VWA2: variants seen among roughly 807,000 people sequenced by gnomAD.
VWA2 encodes von Willebrand factor A domain containing 2, also known as von Willebrand factor A domain-containing protein 2.
Under a neutral mutation model 70.4 loss-of-function variants are expected in VWA2, and 73 were observed. That is an observed-to-expected ratio of 1.04 (90% CI 0.86 to 1.26). The LOEUF (loss-of-function observed/expected upper bound fraction) is 1.26, where lower values mean the gene tolerates loss of function less well. Among genes scored for constraint, VWA2 ranks in the 50% most tolerant of loss-of-function variants. VWA2 has a pLI of 0.00. For synonymous variants in VWA2, 407 were observed against 423.3 expected, an observed-to-expected ratio of 0.96 and a Z score of 0.47; for missense variants, 1,011 against 998.5, an observed-to-expected ratio of 1.01 and a Z score of -0.17.
rs572552244 is a variant in VWA2, at chr10:114,293,900, T to C, written c.*2663T>C. The stretch of plus-strand genomic sequence containing the variant: ...ATAATGTTTCATGAAGTAGCATGTA[T>C]CCATATCTGGTTCTTGACTTTTTCA... On this transcript the variant is annotated 3_prime_UTR_variant, in exon 14 of 14. Transcript: ENST00000392982. 9.8e-5 allele frequency among the ~76,000 whole-genome samples: 15 copies of C among 152,366 alleles called. No individual in the cohort carries two copies. In the East Asian group the frequency reaches 2.9e-3, roughly 29 times the overall value.
intron 5 of VWA2, among the ~76,000 whole-genome samples, chr10:114,261,949 G>A (rs545888840): frequency 3.3e-5 from 5 of 152,168 alleles, no homozygotes; most frequent in East Asian, 1.9e-4. Context: ...AGGCAAAGGT[G>A]GGGGGGCAGG....
rs2037077059 is a variant in VWA2, at chr10:114,246,542, A to G, written c.-10-2162A>G. 3 of 847,714 alleles carry G rather than the reference A, an allele frequency of 3.5e-6. No individual in the cohort carries two copies. In the East Asian group the frequency reaches 7.5e-5, roughly 21 times the overall value. The allele number at this position is 847,714 out of a possible 1,614,324, so 52.5% of individuals were successfully genotyped here. A position where few individuals can be genotyped will look rare whatever the true frequency, so the allele number is the denominator to read the frequency against. ...AAAAAAAAACGAGTATCATGGGTTG[A>G]ATTCACATTCCCTGACTGTAACAGA... On this transcript the variant is annotated intron_variant, in intron 1 of 13. Coordinates refer to ENST00000392982, the MANE Select transcript of VWA2 (RefSeq NM_001272046.2).
intron 5 of VWA2, among the ~76,000 whole-genome samples, chr10:114,269,575 T>C (rs1315268897): frequency 6.6e-6 from 1 of 152,062 alleles, no homozygotes; most frequent in Non-Finnish European, 1.5e-5. Flanking sequence ...AGTGAGACTC[T>C]GTCTCAAAAA....
At chr10:114,255,736 G>A (rs911668171) in intron 4 of VWA2, among the ~76,000 whole-genome samples, 7 of 151,890 alleles carry the variant, frequency 4.6e-5, no homozygotes, top group East Asian at 3.9e-4. Context: ...ATATAGCAGA[G>A]TGTGGTAGCT....
intron 8 of VWA2, among the ~76,000 whole-genome samples, chr10:114,279,152 G>A (rs570687352): frequency 6.6e-6 from 1 of 152,138 alleles, no homozygotes; most frequent in South Asian, 2.1e-4. Context: ...TCTGCACTTG[G>A]GATATTGATT....
At chr10:114,283,120 C>G (rs993569414) in intron 9 of VWA2, among the ~76,000 whole-genome samples, 1 of 152,250 alleles carries the variant, frequency 6.6e-6, no homozygotes, top group African/African-American at 2.4e-5. Flanking sequence ...CTATCCCTCA[C>G]TTGGGGTGCT....
At chr10:114,250,116 C>G (rs1471395818) in intron 2 of VWA2, among the ~76,000 whole-genome samples, 1 of 152,238 alleles carries the variant, frequency 6.6e-6, no homozygotes, top group Non-Finnish European at 1.5e-5. Context: ...CTTCAAACCC[C>G]TTGTAGACCT....
At chr10:114,269,750 C>T (rs190929723) in intron 5 of VWA2, among the ~76,000 whole-genome samples, 1 of 152,158 alleles carries the variant, frequency 6.6e-6, no homozygotes, top group East Asian at 1.9e-4. Flanking sequence ...AGCTGTGAGC[C>T]TGTAGGAGTG....
At chr10:114,241,272 A>G (rs951132538) in intron 1 of VWA2, among the ~76,000 whole-genome samples, 15 of 152,228 alleles carry the variant, frequency 9.9e-5, no homozygotes, top group African/African-American at 3.4e-4. Flanking sequence ...CCTGTTGTAC[A>G]TTCTATGGCT....
chr10:114,250,446 T>C (rs2037171335), intron 2 of VWA2, among the ~76,000 whole-genome samples: 1 of 152,198 alleles, frequency 6.6e-6, no homozygotes, highest in African/African-American at 2.4e-5. Flanking sequence ...ACAGGTGGAC[T>C]GGGCGGCCAA....
chr10:114,249,283 A>G (rs866474262), intron 2 of VWA2, among the ~76,000 whole-genome samples: 3 of 151,880 alleles, frequency 2.0e-5, no homozygotes, highest in Middle Eastern at 3.4e-3. Context: ...TTGAGATGGA[A>G]TCTCTCTCTG....
intron 8 of VWA2, among the ~76,000 whole-genome samples, chr10:114,279,439 G>A (rs1043542715): frequency 1.3e-5 from 2 of 152,168 alleles, no homozygotes; most frequent in Admixed American, 6.5e-5. Context: ...TTTCTGGGGG[G>A]CCGGGGCAGT....
Position 114,292,586 on chromosome 10 carries a change from A to ATACT in VWA2, c.*1355_*1358dup, listed in dbSNP as rs1352192745. Among the ~76,000 whole-genome samples the ATACT allele has an allele frequency of 6.6e-6, 1 of 150,708 alleles. No homozygotes were observed. The highest frequency in any genetic ancestry group is 1.9e-4 in the East Asian group (1 of 5,162). On this transcript the variant is annotated 3_prime_UTR_variant, in exon 14 of 14. Coordinates refer to ENST00000392982, the MANE Select transcript of VWA2 (RefSeq NM_001272046.2). Reference sequence around the variant, plus strand: ...TTTGGAATATTCTCTGGCAAACTAGATACTTACTTCCCTATCGCTGCAGTA... The same window carrying ATACT: ...TTTGGAATATTCTCTGGCAAACTAGATACTTACTTACTTCCCTATCGCTGCAGTA...
intron 2 of VWA2, among the ~76,000 whole-genome samples, chr10:114,249,692 G>T (rs11196672): frequency 1.3e-5 from 2 of 152,240 alleles, no homozygotes; most frequent in East Asian, 3.9e-4. Context: ...TGGCTGCATG[G>T]TATTCCATGG....
At chr10:114,273,939 G>A (rs962304257) in intron 6 of VWA2, among the ~76,000 whole-genome samples, 1 of 152,206 alleles carries the variant, frequency 6.6e-6, no homozygotes, top group African/African-American at 2.4e-5. Flanking sequence ...GGAATAGAGA[G>A]GAAAGCTATT....
intron 9 of VWA2, among the ~76,000 whole-genome samples, chr10:114,283,962 A>G (rs185884001): frequency 9.2e-5 from 14 of 152,396 alleles, no homozygotes; most frequent in Admixed American, 2.0e-4. Flanking sequence ...TGCCAGTCCC[A>G]GTTGTGACCA....
chr10:114,291,305 CACTGAAATGGTGCCTACCT>C lies in VWA2; in HGVS notation c.*69_*87del. 10 of 1,496,036 alleles carry C rather than the reference CACTGAAATGGTGCCTACCT, an allele frequency of 6.7e-6. No individual in the cohort carries two copies. The highest frequency in any genetic ancestry group is 9.0e-6 in the Non-Finnish European group (10 of 1,115,722). The allele number at this position is 1,496,036 out of a possible 1,614,324, so 92.7% of individuals were successfully genotyped here. ...CCAGCAACTACAGAGAAGGCCTGGG[CACTGAAATGGTGCCTACCT>C]TCTGGAATGTCTGTGCCCCAGGTCC... On this transcript the variant is annotated 3_prime_UTR_variant, in exon 14 of 14. Coordinates refer to ENST00000392982, the MANE Select transcript of VWA2 (RefSeq NM_001272046.2).
intron 2 of VWA2, among the ~76,000 whole-genome samples, chr10:114,250,538 A>G (rs1471665089): frequency 1.3e-5 from 2 of 152,166 alleles, no homozygotes; most frequent in African/African-American, 4.8e-5. Context: ...TATTTCTTGC[A>G]GTTCCTCCCT....
At chr10:114,273,029 G>T (rs914546594) in intron 6 of VWA2, 95 bp downstream of exon 6, 3 of 1,066,914 alleles carry the variant, frequency 2.8e-6, no homozygotes, top group Non-Finnish European at 2.6e-6. Context: ...TGGAAGAGCC[G>T]TCCAGGTCCT....
Sources: gnomAD v4.1 joint callset for allele counts (sites outside exome capture counted in the v4.1 genomes callset) on GRCh38, gnomAD v4.1.1 for gene constraint, MANE v1.5 for transcripts, NCBI Gene and HGNC (gene_info 2026-07-23, HGNC 2026-07-21) for gene names.